COL14A1: variants seen among roughly 807,000 people sequenced by gnomAD.
The protein encoded by COL14A1 is collagen type XIV alpha 1 chain, also known as collagen alpha-1(XIV) chain.
COL14A1 carries 136 observed loss-of-function variants against 230.3 expected under a neutral mutation model. That is an observed-to-expected ratio of 0.59 (90% CI 0.51 to 0.68). COL14A1 has a LOEUF of 0.68. Among genes scored for constraint, COL14A1 ranks in the 30% least tolerant of loss-of-function variants. COL14A1 has a pLI of 0.00. For missense variants in COL14A1, 1,976 were observed against 2,215.8 expected, an observed-to-expected ratio of 0.89 and a Z score of 2.17; for synonymous variants, 792 against 784.1, an observed-to-expected ratio of 1.01 and a Z score of -0.17.
intron 32 of COL14A1, among the ~76,000 whole-genome samples, chr8:120,285,178 G>C (rs992629934): frequency 2.0e-5 from 3 of 151,440 alleles, no homozygotes; most frequent in Non-Finnish European, 1.5e-5. Context: ...GGCCGGCCAG[G>C]CACGGTGGCT....
intron 14 of COL14A1, among the ~76,000 whole-genome samples, chr8:120,224,333 TGAG>T (rs1818029718): frequency 6.6e-6 from 1 of 152,130 alleles, no homozygotes; most frequent in Non-Finnish European, 1.5e-5. Flanking sequence ...CAATATCTAA[TGAG>T]GAGTTTGCTA....
intron 10 of COL14A1, among the ~76,000 whole-genome samples, chr8:120,207,472 G>A (rs908849818): frequency 6.6e-6 from 1 of 152,124 alleles, no homozygotes; most frequent in Admixed American, 6.6e-5. Context: ...TTAAGTCTGT[G>A]AATTCCAAAG....
At chr8:120,218,821 A>G (rs1447823373) in intron 14 of COL14A1, among the ~76,000 whole-genome samples, 1 of 152,158 alleles carries the variant, frequency 6.6e-6, no homozygotes, top group Non-Finnish European at 1.5e-5. Flanking sequence ...ATAGAAATCC[A>G]GGCAGGGGCT....
chr8:120,147,955 T>C, intron 2 of COL14A1, 25 bp downstream of exon 2: 2 of 1,503,774 alleles, frequency 1.3e-6, no homozygotes, highest in Non-Finnish European at 1.9e-6. Flanking sequence ...TGAGAATCAG[T>C]AGGGTCTGGG....
intron 10 of COL14A1, among the ~76,000 whole-genome samples, 178 bp from the exon 11 acceptor site, chr8:120,208,054 G>A (rs559465023): frequency 5.9e-5 from 9 of 152,258 alleles, no homozygotes; most frequent in Non-Finnish European, 1.0e-4. Context: ...TCCATAAAAG[G>A]TGCATCACTT....
intron 2 of COL14A1, among the ~76,000 whole-genome samples, chr8:120,151,981 A>G (rs979421953): frequency 2.0e-5 from 3 of 152,192 alleles, no homozygotes; most frequent in Non-Finnish European, 2.9e-5. Flanking sequence ...TCTAGAAGTT[A>G]GAAAAGGCAA....
chr8:120,293,039 T>C (rs1329138164), intron 34 of COL14A1, among the ~76,000 whole-genome samples: 2 of 152,102 alleles, frequency 1.3e-5, no homozygotes, highest in East Asian at 3.8e-4. Context: ...CAACTGTGCT[T>C]CTCCTTTCCA....
chr8:120,206,587 G>T (rs1374263453), intron 9 of COL14A1, among the ~76,000 whole-genome samples: 1 of 152,210 alleles, frequency 6.6e-6, no homozygotes, highest in Non-Finnish European at 1.5e-5. Flanking sequence ...GACCTCAGGT[G>T]ATCTGCCCGC....
chr8:120,128,198 C>T (rs764336752), intron 1 of COL14A1, among the ~76,000 whole-genome samples: 2 of 148,362 alleles, frequency 1.3e-5, no homozygotes, highest in African/African-American at 5.0e-5. Flanking sequence ...CATCCTGTTC[C>T]TGTGACGTGT....
chr8:120,212,585 G>T lies in COL14A1; in HGVS notation c.1597+8G>T, dbSNP rs556574225. ...CGGGACAAGAAACAACATGTGAGCA[G>T]CACAGCCATTCAGTTGGGATGCTGT... On this transcript the variant is annotated splice_region_variant and intron_variant, in intron 13 of 47. Coordinates refer to ENST00000297848, the MANE Select transcript of COL14A1 (RefSeq NM_021110.4). 6 of 1,612,934 alleles carry T rather than the reference G, an allele frequency of 3.7e-6. No homozygotes were observed. In the African/African-American group the frequency reaches 8.0e-5, roughly 22 times the overall value.
chr8:120,238,151 T>G (rs1346600013), intron 19 of COL14A1, among the ~76,000 whole-genome samples: 5 of 152,204 alleles, frequency 3.3e-5, no homozygotes, highest in Non-Finnish European at 7.3e-5. Context: ...GGAGGTCCTC[T>G]GCTCTTTTCA....
intron 41 of COL14A1, 21 bp from the exon 42 acceptor site, chr8:120,332,643 A>G: frequency 6.2e-7 from 1 of 1,604,170 alleles, no homozygotes; most frequent in Non-Finnish European, 8.5e-7. Flanking sequence ...ACTTTGTTCC[A>G]TTTTCCTACC....
chr8:120,305,191 G>T (rs1368504311), intron 36 of COL14A1, among the ~76,000 whole-genome samples: 1 of 152,070 alleles, frequency 6.6e-6, no homozygotes, highest in Non-Finnish European at 1.5e-5. Flanking sequence ...TGTTTGTCAG[G>T]CTGGTCTCAA....
chr8:120,371,567 A>G lies in COL14A1; in HGVS notation c.*336A>G, dbSNP rs1246455756. 5.0e-6 allele frequency: 2 copies of G among 398,284 alleles called. No homozygotes were observed. Among genetic ancestry groups the G allele is most frequent in the African/African-American group, 4.1e-5 (2 of 48,582 alleles). The allele number at this position is 398,284 out of a possible 1,614,324, so 24.7% of individuals were successfully genotyped here. ...TCTTCTCTCTCAAGTCCTAAAATGA[A>G]CAAACAGATATGATTGTGTTTGAGG... On this transcript the variant is annotated 3_prime_UTR_variant, in exon 48 of 48. Transcript: ENST00000297848.
intron 1 of COL14A1, among the ~76,000 whole-genome samples, chr8:120,141,664 T>C (rs1814916146): frequency 6.6e-6 from 1 of 152,182 alleles, no homozygotes; most frequent in Non-Finnish European, 1.5e-5. Context: ...AGCATAGCAT[T>C]TATTTAGTTA....
chr8:120,185,503 A>G (rs1816623026), intron 5 of COL14A1, among the ~76,000 whole-genome samples: 1 of 152,150 alleles, frequency 6.6e-6, no homozygotes, highest in South Asian at 2.1e-4. Flanking sequence ...AAAATTAAAA[A>G]ACAAACAAAC....
chr8:120,335,146 G>C (rs1822009660), intron 42 of COL14A1, among the ~76,000 whole-genome samples: 1 of 152,098 alleles, frequency 6.6e-6, no homozygotes, highest in African/African-American at 2.4e-5. Context: ...GAGTTGACAT[G>C]GGGCGTGGAG....
intron 45 of COL14A1, among the ~76,000 whole-genome samples, chr8:120,360,066 T>G (rs1823136295): frequency 6.6e-6 from 1 of 152,212 alleles, no homozygotes; most frequent in Non-Finnish European, 1.5e-5. Flanking sequence ...TCCTTTGCCT[T>G]GATCTTGCTC....
At chr8:120,238,469 G>A (rs956235023) in intron 19 of COL14A1, among the ~76,000 whole-genome samples, 1 of 152,098 alleles carries the variant, frequency 6.6e-6, no homozygotes, top group African/African-American at 2.4e-5. Context: ...CACCAAGCTC[G>A]AGCATCCCAG....
Sources: allele counts gnomAD v4.1 joint callset (sites outside exome capture counted in the v4.1 genomes callset), GRCh38; gene constraint gnomAD v4.1.1; transcripts MANE v1.5; gene names NCBI Gene and HGNC (gene_info 2026-07-23, HGNC 2026-07-21).